GRK5: variants seen among roughly 807,000 people sequenced by gnomAD.
GRK5 encodes the protein G protein-coupled receptor kinase 5.
GRK5 carries 40 observed loss-of-function variants against 78.4 expected under a neutral mutation model. The ratio of observed to expected loss-of-function variants is 0.51; its 90% CI spans 0.40 to 0.66. The LOEUF (loss-of-function observed/expected upper bound fraction) is 0.66, where lower values mean the gene tolerates loss of function less well. GRK5 is among the 30% of genes least tolerant of loss of function. GRK5 has a pLI of 0.00. For synonymous variants in GRK5, 289 were observed against 296.8 expected (o/e 0.97, Z 0.27); for missense variants, 598 against 759.9 (o/e 0.79, Z 2.50).
At chr10:119,335,577 G>A (rs1361489388) in intron 2 of GRK5, among the ~76,000 whole-genome samples, 1 of 152,348 alleles carries the variant, frequency 6.6e-6, no homozygotes, top group Admixed American at 6.5e-5. Context: ...TGGCCAGGCT[G>A]GTCTCGAACT....
rs117286286 is a variant in GRK5, at chr10:119,251,045, T to C, written c.52+43076T>C. ...CCTGACCTTGTGCATGAGGGGAAAA[T>C]GTTTCTGGTTTTGTGTGTGTTTTCA... is the stretch of plus-strand genomic sequence containing the variant. On this transcript the variant is annotated intron_variant, in intron 1 of 15. Coordinates refer to ENST00000392870, the MANE Select transcript of GRK5 (RefSeq NM_005308.3). 8.1e-3 allele frequency among the ~76,000 whole-genome samples: 1,238 copies of C among 152,238 alleles called. 9 individuals are homozygous for C. The highest frequency in any genetic ancestry group is 8.4e-3 in the Non-Finnish European group (568 of 68,020).
chr10:119,228,084 C>T (rs1023845901), intron 1 of GRK5, among the ~76,000 whole-genome samples: 3 of 152,054 alleles, frequency 2.0e-5, no homozygotes, highest in Non-Finnish European at 4.4e-5. Flanking sequence ...ATAATAAATC[C>T]TGGCATATTC....
In GRK5 at chr10:119,363,279, CA is replaced by C. The variant is rs373115186; in HGVS notation, c.149-17521del. Among the ~76,000 whole-genome samples, 432 of 130,436 alleles carry C rather than the reference CA, an allele frequency of 3.3e-3. 2 individuals carry two copies. Among genetic ancestry groups the C allele is most frequent in the African/African-American group, 8.5e-3 (302 of 35,506 alleles). 85.6% of individuals were successfully genotyped at this position (130,436 alleles called of 152,430 possible). A position where few individuals can be genotyped will look rare whatever the true frequency, so the allele number is the denominator to read the frequency against. On this transcript the variant is annotated intron_variant, in intron 2 of 15. Transcript: ENST00000392870. The stretch of plus-strand genomic sequence containing the variant: ...CTCGGCGACAAGAGTGAAACTGTCT[CA>C]AAAAAAAAAAAAAACAACAAACAGT...
intron 1 of GRK5, among the ~76,000 whole-genome samples, chr10:119,309,276 C>T (rs974596427): frequency 3.9e-5 from 6 of 152,228 alleles, no homozygotes; most frequent in African/African-American, 1.2e-4. Context: ...GCCCACGAGC[C>T]TGTGAGCTCT....
intron 2 of GRK5, among the ~76,000 whole-genome samples, chr10:119,369,160 G>A (rs1392932585): frequency 6.6e-6 from 1 of 152,196 alleles, no homozygotes. Context: ...TGACGCCCTG[G>A]AGATTTGATG....
chr10:119,326,610 A>C lies in GRK5; in HGVS notation c.147A>C (p.Ile49=). The part of the protein sequence containing the change: ...ISQCEDLRRT[I]DRDYCSLCDK... ...AGTGTGAAGACCTCCGAAGGACCAT[A>C]GGTAAGCTGTCCTGCCTGGGGGCTG... The change falls in exon 2 of 16, where the codon ATA becomes ATC. Residue 49 remains isoleucine, a splice_region_variant and synonymous_variant. Transcript: ENST00000392870. The C allele has an allele frequency of 6.2e-7, 1 of 1,611,094 alleles. No homozygotes were observed. Among genetic ancestry groups the C allele is most frequent in the Non-Finnish European group, 8.5e-7 (1 of 1,177,242 alleles).
intron 13 of GRK5, among the ~76,000 whole-genome samples, chr10:119,448,842 G>C (rs1284647032): frequency 6.6e-6 from 1 of 152,180 alleles, no homozygotes; most frequent in African/African-American, 2.4e-5. Flanking sequence ...AATTGTCCTT[G>C]AAAGTCCCCT....
intron 1 of GRK5, among the ~76,000 whole-genome samples, chr10:119,232,703 C>T (rs914657433): frequency 1.3e-5 from 2 of 152,200 alleles, no homozygotes; most frequent in Admixed American, 6.5e-5. Context: ...ACGTGACTTG[C>T]TCCTACTTGT....
intron 2 of GRK5, among the ~76,000 whole-genome samples, chr10:119,351,674 A>C (rs1026394938): frequency 6.6e-6 from 1 of 152,192 alleles, no homozygotes; most frequent in Non-Finnish European, 1.5e-5. Context: ...GGTAAAAACC[A>C]TGACAGCAGC....
At chr10:119,373,248 A>G (rs560016276) in intron 2 of GRK5, among the ~76,000 whole-genome samples, 4 of 152,328 alleles carry the variant, frequency 2.6e-5, no homozygotes, top group African/African-American at 9.6e-5. Context: ...TAAAACACAG[A>G]TTTCTGGGCC....
At position 119,311,426 on chromosome 10, in the gene GRK5, C is replaced by T. The variant is rs180785080; in HGVS notation, c.53-15090C>T. On this transcript the variant is annotated intron_variant, in intron 1 of 15. Coordinates refer to ENST00000392870, the MANE Select transcript of GRK5 (RefSeq NM_005308.3). ...TGTGTGCCTGGGAATTAGAAATTAA[C>T]AGTAAAAGAAAGGCAGAGGGGTCCT... Among the ~76,000 whole-genome samples the T allele has an allele frequency of 6.2e-3, 938 of 151,430 alleles. 4 individuals carry two copies. The highest frequency in any genetic ancestry group is 9.8e-3 in the Non-Finnish European group (665 of 67,914).
intron 1 of GRK5, among the ~76,000 whole-genome samples, chr10:119,236,972 C>G (rs1328186572): frequency 6.6e-6 from 1 of 151,636 alleles, no homozygotes; most frequent in East Asian, 1.9e-4. Flanking sequence ...AATAGTTCCT[C>G]TTGTCTCATA....
intron 9 of GRK5, among the ~76,000 whole-genome samples, chr10:119,438,802 C>T: frequency 6.6e-6 from 1 of 152,216 alleles, no homozygotes; most frequent in Admixed American, 6.5e-5. Context: ...GAATTGTTAA[C>T]ACATCAAAAG....
At chr10:119,317,347 G>GGTGGGTGT (rs1850504908) in intron 1 of GRK5, among the ~76,000 whole-genome samples, 1 of 142,514 alleles carries the variant, frequency 7.0e-6, no homozygotes, top group African/African-American at 2.6e-5. Context: ...TCAGTAGATG[G>GGTGGGTGT]GTGTGTGTGT....
chr10:119,237,966 GGCTGGAGTTAAGGC>G (rs375810206), intron 1 of GRK5, among the ~76,000 whole-genome samples: 142,181 of 152,054 alleles, frequency 0.94, 67,219 homozygotes, highest in East Asian at 1. Flanking sequence ...TGGAGGAAGG[GGCTGGAGTTAAGGC>G]ATGGAAAGGG....
At chr10:119,247,916 G>C (rs373596986) in intron 1 of GRK5, among the ~76,000 whole-genome samples, 1 of 152,154 alleles carries the variant, frequency 6.6e-6, no homozygotes, top group African/African-American at 2.4e-5. Flanking sequence ...CCTGGCTGCT[G>C]ACATTTGGTG....
chr10:119,257,932 AT>A (rs1328094217), intron 1 of GRK5, among the ~76,000 whole-genome samples: 9 of 151,848 alleles, frequency 5.9e-5, no homozygotes, highest in Admixed American at 5.9e-4. Context: ...ATTCTCTTTT[AT>A]TTTTTTCCCA....
rs56254855 is a variant in GRK5 at position 119,423,247 on chromosome 10, C to A, written c.421C>A (p.Leu141Ile). The A allele has an allele frequency of 7.8e-4, 1,259 of 1,613,802 alleles. 22 individuals are homozygous for A. In the African/African-American group the frequency reaches 0.015, roughly 19 times the overall value. Residue 141 changes from leucine to isoleucine, a missense_variant, in exon 5 of 16, where the codon CTC (leucine) becomes ATC (isoleucine). Physicochemically the swap from Leu to Ile is conservative, Grantham distance 5. Transcript: ENST00000392870. ...GCTCCTACAGAAGCCGTGCAAAGAA[C>A]TCTTTTCTGCCTGTGCACAGTAAGT... Reference protein sequence around the residue: ...EKLLQKPCKELFSACAQSVHE... With the variant: ...EKLLQKPCKEIFSACAQSVHE...
chr10:119,272,745 G>A (rs190321492), intron 1 of GRK5, among the ~76,000 whole-genome samples: 54 of 152,266 alleles, frequency 3.5e-4, no homozygotes, highest in Non-Finnish European at 6.8e-4. Context: ...CCCATGAGCT[G>A]AGCATTGGAA....
Sources: allele counts gnomAD v4.1 joint callset (sites outside exome capture counted in the v4.1 genomes callset), GRCh38; gene constraint gnomAD v4.1.1; transcripts MANE v1.5; gene names NCBI Gene and HGNC (gene_info 2026-07-23, HGNC 2026-07-21).